CERS5: variants seen among roughly 807,000 people sequenced by gnomAD.
The protein encoded by CERS5 is ceramide synthase 5.
Under a neutral mutation model 58.9 loss-of-function variants are expected in CERS5, and 37 were observed. The ratio of observed to expected loss-of-function variants is 0.63; its 90% confidence interval spans 0.48 to 0.83. The LOEUF (loss-of-function observed/expected upper bound fraction) is 0.83. Ranked by LOEUF, CERS5 falls within the 40% of genes least tolerant of loss-of-function variation. The probability of loss-of-function intolerance (pLI) is 0.00; values close to 1 mark genes in which losing one functional copy is unlikely to be tolerated. For synonymous variants in CERS5, 147 were observed against 177.8 expected, an observed-to-expected ratio of 0.83 and a Z score of 1.38; for missense variants, 398 against 489.3, an observed-to-expected ratio of 0.81 and a Z score of 1.76.
At chr12:50,148,946 A>ATATATATGTG (rs1420401358) in intron 1 of CERS5, among the ~76,000 whole-genome samples, 14 of 103,074 alleles carry the variant, frequency 1.4e-4, no homozygotes, top group Non-Finnish European at 2.1e-4. Context: ...ATATATATAT[A>ATATATATGTG]TGTGTGTGTG....
chr12:50,164,379 G>A (rs1939641090), intron 1 of CERS5, among the ~76,000 whole-genome samples: 1 of 151,926 alleles, frequency 6.6e-6, no homozygotes, highest in South Asian at 2.1e-4. Context: ...AGGCTGGAGT[G>A]AGCTTCGTGC....
At chr12:50,160,492 TAAGA>T (rs1416296565) in intron 1 of CERS5, among the ~76,000 whole-genome samples, 1 of 151,980 alleles carries the variant, frequency 6.6e-6, no homozygotes, top group Admixed American at 6.6e-5. Context: ...CTTGAAGTAA[TAAGA>T]GAGAAGAGGG....
intron 6 of CERS5, among the ~76,000 whole-genome samples, 186 bp from the exon 7 acceptor site, chr12:50,136,255 C>T (rs1291185997): frequency 1.3e-5 from 2 of 152,044 alleles, no homozygotes; most frequent in Non-Finnish European, 2.9e-5. Context: ...GTCGGATCAC[C>T]TGAGGTCAGG....
intron 6 of CERS5, among the ~76,000 whole-genome samples, chr12:50,136,792 T>A (rs1565772552): frequency 6.6e-6 from 1 of 152,210 alleles, no homozygotes; most frequent in Non-Finnish European, 1.5e-5. Context: ...CCTCTTGGGT[T>A]CAAATGTCAA....
Position 50,135,494 on chromosome 12 carries a change from G to A in CERS5, c.872+238C>T, listed in dbSNP as rs751060162. Reference sequence around the variant, plus strand: ...TCAGTCCTGAGAAGCCAACCAAGCCGGGTACTCTGAGTCTGGATCCGACCT... The same window carrying A: ...TCAGTCCTGAGAAGCCAACCAAGCCAGGTACTCTGAGTCTGGATCCGACCT... On this transcript the variant is annotated intron_variant, in intron 8 of 9. Transcript: ENST00000317551. 61 of 688,150 alleles carry A rather than the reference G, an allele frequency of 8.9e-5. No individual in the cohort carries two copies. The Admixed American group carries it at 9.7e-4, about 11-fold the overall frequency. The allele number at this position is 688,150 out of a possible 1,614,324, so 42.6% of individuals were successfully genotyped here.
chr12:50,144,677 G>A, intron 1 of CERS5: 1 of 666,078 alleles, frequency 1.5e-6, no homozygotes, highest in South Asian at 2.1e-5. Flanking sequence ...AAATCAGGAA[G>A]CTAGGAAAGG....
intron 1 of CERS5, among the ~76,000 whole-genome samples, chr12:50,146,847 A>C (rs1356789626): frequency 1.8e-3 from 32 of 17,310 alleles, no homozygotes; most frequent in Admixed American, 4.2e-3. Flanking sequence ...ACTCCGTCTC[A>C]AAAAAAAAAA....
chr12:50,159,096 C>T (rs1164472802), intron 1 of CERS5, among the ~76,000 whole-genome samples: 1 of 151,996 alleles, frequency 6.6e-6, no homozygotes, highest in African/African-American at 2.4e-5. Flanking sequence ...CCGAGGCGGG[C>T]GAATCATGAG....
rs369313293 is a variant in CERS5 at position 50,130,533 on chromosome 12, A to G, written c.*12T>C. The G allele has an allele frequency of 4.2e-5, 66 of 1,585,132 alleles. No individual in the cohort carries two copies. The highest frequency in any genetic ancestry group is 5.5e-5 in the Non-Finnish European group (64 of 1,158,378). On this transcript the variant is annotated 3_prime_UTR_variant, in exon 10 of 10. Transcript: ENST00000317551. ...CAAGTCCATGTGTGCTGAAGTCCCT[A>G]TAGCAACCACCTTACTCTTCAGCCC...
intron 9 of CERS5, among the ~76,000 whole-genome samples, chr12:50,131,016 TC>T (rs1951289414): frequency 6.6e-6 from 1 of 152,328 alleles, no homozygotes; most frequent in South Asian, 2.1e-4. Flanking sequence ...TTTCTCTTCT[TC>T]CACTTCAAAG....
intron 8 of CERS5, 134 bp downstream of exon 8, chr12:50,135,598 G>A: frequency 1.3e-6 from 1 of 777,398 alleles, no homozygotes; most frequent in Non-Finnish European, 2.3e-6. Context: ...TAAAAGCAGG[G>A]CAATAGGGTT....
At position 50,130,553 on chromosome 12, in the gene CERS5, C is replaced by G; in HGVS notation, c.1171G>C (p.Glu391Gln). 6.2e-7 allele frequency: 1 copy of G among 1,603,630 alleles called. No homozygotes were observed. Among genetic ancestry groups the G allele is most frequent in the South Asian group, 1.1e-5 (1 of 90,582 alleles). ...TCCCTATAGCAACCACCTTACTCTT[C>G]AGCCCAGTAGCTGCCTCCCATGTGA... ...NGHMGGSYWA[E>Q]E Residue 391 changes from glutamate to glutamine, a missense_variant, in exon 10 of 10, where the codon GAA becomes CAA. Glu to Gln is a conservative substitution (Grantham distance 29, BLOSUM62 2). Around this residue, in one of 3 missense-constraint regions of CERS5, gnomAD observed 47 missense variants for 50.2 expected, o/e 0.94. Coordinates refer to ENST00000317551, the MANE Select transcript of CERS5 (RefSeq NM_147190.5).
intron 4 of CERS5, 96 bp downstream of exon 4, chr12:50,141,957 A>G: frequency 1.3e-6 from 1 of 759,692 alleles, no homozygotes. Flanking sequence ...AAAAAAAAAA[A>G]AGAAAAGAAA....
chr12:50,131,996 T>G (rs932203585), intron 9 of CERS5, among the ~76,000 whole-genome samples: 1 of 151,930 alleles, frequency 6.6e-6, no homozygotes. Context: ...TCCTAGCTAC[T>G]TGGGAGGCTG....
chr12:50,141,955 A>G (rs1951993631), intron 4 of CERS5, 98 bp downstream of exon 4: 5 of 765,902 alleles, frequency 6.5e-6, no homozygotes, highest in African/African-American at 1.8e-5. Context: ...AAAAAAAAAA[A>G]AAAGAAAAGA....
intron 1 of CERS5, among the ~76,000 whole-genome samples, chr12:50,153,268 G>GTTTTTT (rs1938174570): frequency 1.4e-5 from 1 of 72,610 alleles, no homozygotes; most frequent in Non-Finnish European, 2.9e-5. Context: ...AAACTAATAT[G>GTTTTTT]ATTTTTTTTT....
chr12:50,135,238 GGA>G lies in CERS5; in HGVS notation c.872+492_872+493del, dbSNP rs1171985884. On this transcript the variant is annotated intron_variant, in intron 8 of 9. Transcript: ENST00000317551. ...GAGGGAGAGAGAGGAGGACAGGGAG[GGA>G]GAGAGAGAGGAGGGAGGGAGAGAGG... is the stretch of plus-strand genomic sequence containing the variant. Among the ~76,000 whole-genome samples, 43 of 81,738 alleles carry G rather than the reference GGA, an allele frequency of 5.3e-4. 1 individual carries two copies. The highest frequency in any genetic ancestry group is 1.6e-3 in the African/African-American group (28 of 17,846). 53.6% of individuals were successfully genotyped at this position (81,738 alleles called of 152,430 possible). A position where few individuals can be genotyped will look rare whatever the true frequency, so the allele number is the denominator to read the frequency against.
chr12:50,142,014 T>C (rs1028716202), intron 4 of CERS5, 39 bp downstream of exon 4: 4 of 1,252,290 alleles, frequency 3.2e-6, no homozygotes, highest in Admixed American at 3.5e-5. Flanking sequence ...CTAGGCATGA[T>C]TAGAACCCAA....
chr12:50,162,213 A>G (rs757392021), intron 1 of CERS5, among the ~76,000 whole-genome samples: 3 of 133,568 alleles, frequency 2.2e-5, no homozygotes, highest in Non-Finnish European at 4.7e-5. Flanking sequence ...TTTTAAATGT[A>G]TATGAAGTGT....
Sources: allele counts gnomAD v4.1 joint callset (sites outside exome capture counted in the v4.1 genomes callset), GRCh38; gene constraint gnomAD v4.1.1; regional missense constraint gnomAD v4.1.1; transcripts MANE v1.5; gene names NCBI Gene and HGNC (gene_info 2026-07-23, HGNC 2026-07-21).